The following ALDH1A2 variants were observed in gnomAD, a reference collection of about 807,000 sequenced individuals.
ALDH1A2 encodes the protein aldehyde dehydrogenase 1 family member A2, also known as retinal dehydrogenase 2.
ALDH1A2 carries 27 observed loss-of-function variants against 60.3 expected under a neutral mutation model. The ratio of observed to expected loss-of-function variants is 0.45; its 90% CI spans 0.33 to 0.62. The LOEUF is 0.62. Among genes scored for constraint, ALDH1A2 ranks in the 20% least tolerant of loss-of-function variants. ALDH1A2 has a pLI of 0.02. For missense variants in ALDH1A2, 581 were observed against 643.8 expected (o/e 0.90, Z 1.06); for synonymous variants, 289 against 232.4 (o/e 1.24, Z -2.21).
At chr15:58,013,810 G>A (rs542359088) in intron 3 of ALDH1A2, 48 bp downstream of exon 3, 1 of 1,610,130 alleles carries the variant, frequency 6.2e-7, no homozygotes, top group South Asian at 1.1e-5. Context: ...AATTTCAGCA[G>A]AATGGCAAAT....
In ALDH1A2 at chr15:58,014,597, A is replaced by G. The variant is rs142775627; in HGVS notation, c.118-316T>C. 6.7e-4 allele frequency: 312 copies of G among 466,924 alleles called. 1 individual carries two copies. Among genetic ancestry groups the G allele is most frequent in the African/African-American group, 5.5e-3 (279 of 50,694 alleles). The allele number at this position is 466,924 out of a possible 1,614,324, so 28.9% of individuals were successfully genotyped here. A position where few individuals can be genotyped will look rare whatever the true frequency, so the allele number is the denominator to read the frequency against. On this transcript the variant is annotated intron_variant, in intron 1 of 12. Coordinates refer to ENST00000249750, the MANE Select transcript of ALDH1A2 (RefSeq NM_003888.4). The stretch of plus-strand genomic sequence containing the variant: ...TGATGCTAAGGCAAGAGTTATCGAT[A>G]GCCCAAGCTCTGGCTAGTATCCATG...
intron 7 of ALDH1A2, among the ~76,000 whole-genome samples, chr15:57,972,773 T>G (rs1215470158): frequency 6.6e-6 from 1 of 152,182 alleles, no homozygotes; most frequent in East Asian, 1.9e-4. Context: ...TTCATGACAT[T>G]CAAACTGGTA....
At chr15:57,962,724 C>A (rs1420305372) in intron 9 of ALDH1A2, among the ~76,000 whole-genome samples, 2 of 152,134 alleles carry the variant, frequency 1.3e-5, no homozygotes, top group African/African-American at 4.8e-5. Flanking sequence ...CAAGGTCAGT[C>A]TTCCCCCAAA....
intron 7 of ALDH1A2, among the ~76,000 whole-genome samples, chr15:57,975,818 T>C (rs1201152845): frequency 8.9e-6 from 1 of 112,834 alleles, no homozygotes; most frequent in African/African-American, 3.5e-5. Flanking sequence ...AATGTGGGGG[T>C]GGGGGTGGAG....
At chr15:58,005,626 G>C (rs947967014) in intron 4 of ALDH1A2, among the ~76,000 whole-genome samples, 1 of 151,882 alleles carries the variant, frequency 6.6e-6, no homozygotes, top group Non-Finnish European at 1.5e-5. Flanking sequence ...TGGTTGTTTA[G>C]TGTTAGAGAT....
chr15:58,061,817 AT>A (rs1333812028), intron 1 of ALDH1A2, among the ~76,000 whole-genome samples: 3 of 152,188 alleles, frequency 2.0e-5, no homozygotes, highest in African/African-American at 7.2e-5. Flanking sequence ...TAGGCAGACC[AT>A]TAGGCCCTAT....
At chr15:57,955,491 A>G (rs1160983341) in intron 12 of ALDH1A2, among the ~76,000 whole-genome samples, 1 of 152,190 alleles carries the variant, frequency 6.6e-6, no homozygotes, top group Non-Finnish European at 1.5e-5. Context: ...AAAACTTTAA[A>G]GTTTTTTAAA....
At chr15:58,020,222 G>A (rs969655203) in intron 1 of ALDH1A2, among the ~76,000 whole-genome samples, 1 of 152,116 alleles carries the variant, frequency 6.6e-6, no homozygotes, top group African/African-American at 2.4e-5. Flanking sequence ...TTTATCCATT[G>A]ATGGGTATTT....
chr15:58,049,889 A>G (rs1433902341), intron 1 of ALDH1A2, among the ~76,000 whole-genome samples: 1 of 152,062 alleles, frequency 6.6e-6, no homozygotes, highest in Non-Finnish European at 1.5e-5. Context: ...TTTGGAAACA[A>G]ATGTTCCTCT....
chr15:58,011,614 G>A (rs34030942), intron 3 of ALDH1A2, among the ~76,000 whole-genome samples: 4,573 of 152,152 alleles, frequency 0.03, 104 homozygotes, highest in Non-Finnish European at 0.044. Flanking sequence ...AGACATACTG[G>A]TGTGAAAATT....
chr15:58,004,692 T>TG (rs1895389391), intron 4 of ALDH1A2, among the ~76,000 whole-genome samples: 1 of 59,686 alleles, frequency 1.7e-5, no homozygotes, highest in Non-Finnish European at 4.6e-5. Flanking sequence ...TATCCCATGA[T>TG]TTGTGTGTGT....
At chr15:57,993,197 C>T (rs1894952541) in intron 5 of ALDH1A2, 124 bp from the exon 6 acceptor site, 1 of 1,169,222 alleles carries the variant, frequency 8.6e-7, no homozygotes, top group Non-Finnish European at 1.2e-6. Flanking sequence ...CTACAAAGTA[C>T]AGATGTTTGG....
intron 4 of ALDH1A2, among the ~76,000 whole-genome samples, chr15:58,004,850 C>A: frequency 1.3e-5 from 2 of 149,958 alleles, no homozygotes; most frequent in East Asian, 2.0e-4. Flanking sequence ...TCTCTACAAG[C>A]AGAAGTACAA....
At chr15:57,962,250 C>T in intron 9 of ALDH1A2, 74 bp from the exon 10 acceptor site, 3 of 1,564,586 alleles carry the variant, frequency 1.9e-6, no homozygotes, top group Non-Finnish European at 1.8e-6. Context: ...TCTTGAGAAT[C>T]TTTCATTTTA....
chr15:58,020,410 G>A (rs1428245559), intron 1 of ALDH1A2, among the ~76,000 whole-genome samples: 1 of 152,140 alleles, frequency 6.6e-6, no homozygotes, highest in Non-Finnish European at 1.5e-5. Context: ...CAGAAATACA[G>A]TACCTCCCAC....
At chr15:58,051,454 A>G (rs546948898) in intron 1 of ALDH1A2, among the ~76,000 whole-genome samples, 1 of 152,206 alleles carries the variant, frequency 6.6e-6, no homozygotes, top group African/African-American at 2.4e-5. Flanking sequence ...CAAGATCCCT[A>G]TTTGCCATTT....
intron 8 of ALDH1A2, 170 bp from the exon 9 acceptor site, chr15:57,964,239 G>A (rs1566929930): frequency 1.5e-6 from 1 of 653,918 alleles, no homozygotes; most frequent in Non-Finnish European, 2.6e-6. Context: ...ACCCTGACAT[G>A]CTATGTGAAC....
At chr15:58,044,412 T>A (rs1322166490) in intron 1 of ALDH1A2, among the ~76,000 whole-genome samples, 1 of 151,986 alleles carries the variant, frequency 6.6e-6, no homozygotes, top group Non-Finnish European at 1.5e-5. Flanking sequence ...AGTGTGTGGT[T>A]TTCTATTCCT....
At chr15:57,968,789 T>C (rs1893973512) in intron 7 of ALDH1A2, among the ~76,000 whole-genome samples, 2 of 152,238 alleles carry the variant, frequency 1.3e-5, no homozygotes, top group African/African-American at 4.8e-5. Context: ...TACTCCCTGA[T>C]ATTCATCAGA....
Sources: gnomAD v4.1 joint callset for allele counts (sites outside exome capture counted in the v4.1 genomes callset) on GRCh38, gnomAD v4.1.1 for gene constraint, MANE v1.5 for transcripts, NCBI Gene and HGNC (gene_info 2026-07-23, HGNC 2026-07-21) for gene names.